LGR5: variants seen among roughly 807,000 people sequenced by gnomAD.
LGR5 encodes the protein leucine rich repeat containing G protein-coupled receptor 5.
A neutral mutation model predicts 76.7 loss-of-function variants in LGR5; 54 were observed. The observed-to-expected ratio is 0.70, with a 90% CI of 0.57 to 0.88. LGR5 has a LOEUF of 0.88. LGR5 is among the 40% of genes least tolerant of loss of function. The pLI is 0.00. For missense variants in LGR5, 1,078 were observed against 1,073.3 expected (o/e 1.00, Z -0.06); for synonymous variants, 406 against 421.9 (o/e 0.96, Z 0.46).
intron 3 of LGR5, among the ~76,000 whole-genome samples, chr12:71,527,927 G>A (rs1876100140): frequency 6.6e-6 from 1 of 152,188 alleles, no homozygotes; most frequent in African/African-American, 2.4e-5. Flanking sequence ...CCAGCATAAA[G>A]AATTCTCCCT....
At chr12:71,530,387 A>G (rs1876243160) in intron 3 of LGR5, among the ~76,000 whole-genome samples, 2 of 152,160 alleles carry the variant, frequency 1.3e-5, no homozygotes, top group Admixed American at 1.3e-4. Flanking sequence ...TGATATGGTG[A>G]GAAAGATAAT....
chr12:71,461,585 A>G (rs75046085), intron 1 of LGR5, among the ~76,000 whole-genome samples: 7,402 of 152,210 alleles, frequency 0.049, 224 homozygotes, highest in Middle Eastern at 0.099. Context: ...CCTCACTTCA[A>G]AAAGCAAAGG....
intron 16 of LGR5, among the ~76,000 whole-genome samples, chr12:71,581,174 TC>T (rs1879076099): frequency 6.6e-6 from 1 of 152,220 alleles, no homozygotes; most frequent in Non-Finnish European, 1.5e-5. Context: ...CATTTTAGAT[TC>T]CTTCATATTT....
rs150939225 is a variant in LGR5, at chr12:71,476,166, A to G, written c.213-28448A>G. Among the ~76,000 whole-genome samples, 5 of 152,210 alleles carry G rather than the reference A, an allele frequency of 3.3e-5. No individual in the cohort carries two copies. In the East Asian group the frequency reaches 9.7e-4, roughly 29 times the overall value. ...GTTCCAGTGGTTCGCTGGAACACCA[A>G]CCACTTCGTCTGAATACCAACCTGA... On this transcript the variant is annotated intron_variant, in intron 1 of 17. Transcript: ENST00000266674.
chr12:71,445,715 CG>C (rs147690775), intron 1 of LGR5, among the ~76,000 whole-genome samples: 4,841 of 152,106 alleles, frequency 0.032, 249 homozygotes, highest in African/African-American at 0.11. Flanking sequence ...CGGAGAAAAA[CG>C]TTAGTCATTT....
intron 5 of LGR5, among the ~76,000 whole-genome samples, chr12:71,554,447 T>C (rs886347403): frequency 6.6e-6 from 1 of 152,214 alleles, no homozygotes; most frequent in Admixed American, 6.5e-5. Flanking sequence ...CTGGGGAGGT[T>C]AGGAGTCTTG....
intron 2 of LGR5, among the ~76,000 whole-genome samples, chr12:71,515,755 C>T (rs1875403949): frequency 6.6e-6 from 1 of 152,098 alleles, no homozygotes; most frequent in East Asian, 1.9e-4. Flanking sequence ...GAAAATAAAG[C>T]GGCAATTTCT....
chr12:71,572,853 C>T lies in LGR5; in HGVS notation c.1140C>T (p.Asp380=). 6.2e-7 allele frequency: 1 copy of T among 1,612,480 alleles called. No homozygotes were observed. Among genetic ancestry groups the T allele is most frequent in the African/African-American group, 1.3e-5 (1 of 74,968 alleles). The part of the protein sequence containing the change: ...FSVCQKLQKI[D]LRHNEIYEIK... ...CTTTGGAACCCTGTCATTTCAGTGACCTAAGACATAATGAAATCTACGAAA... is the reference window on the plus strand; with the variant it reads ...CTTTGGAACCCTGTCATTTCAGTGATCTAAGACATAATGAAATCTACGAAA... The change falls in exon 13 of 18, where the codon GAC becomes GAT. Residue 380 remains aspartate, a synonymous_variant. Coordinates refer to ENST00000266674, the MANE Select transcript of LGR5 (RefSeq NM_003667.4).
intron 2 of LGR5, among the ~76,000 whole-genome samples, chr12:71,522,172 G>A (rs1204264784): frequency 1.3e-5 from 2 of 152,190 alleles, no homozygotes; most frequent in African/African-American, 4.8e-5. Context: ...TCGGAAAAGA[G>A]TCTGAGGACT....
intron 1 of LGR5, among the ~76,000 whole-genome samples, chr12:71,486,288 G>A (rs1222072200): frequency 2.6e-5 from 4 of 152,074 alleles, no homozygotes; most frequent in African/African-American, 9.7e-5. Context: ...GAGTCATATC[G>A]CTGCCATCAG....
chr12:71,544,154 A>T (rs530908489), intron 4 of LGR5, among the ~76,000 whole-genome samples: 2 of 152,168 alleles, frequency 1.3e-5, no homozygotes, highest in Admixed American at 6.5e-5. Context: ...TAGACATTTC[A>T]TCTGGCTGCT....
At chr12:71,555,871 A>G (rs1877731293) in intron 5 of LGR5, among the ~76,000 whole-genome samples, 1 of 152,224 alleles carries the variant, frequency 6.6e-6, no homozygotes. Flanking sequence ...AGACACATGC[A>G]TGTGTATGTT....
intron 1 of LGR5, among the ~76,000 whole-genome samples, chr12:71,446,848 A>G (rs1304268774): frequency 6.6e-6 from 1 of 152,230 alleles, no homozygotes; most frequent in Non-Finnish European, 1.5e-5. Flanking sequence ...TTTAGTAGAC[A>G]TCTTTTTATA....
chr12:71,551,530 C>T (rs372945961), intron 4 of LGR5, among the ~76,000 whole-genome samples: 7 of 151,950 alleles, frequency 4.6e-5, no homozygotes, highest in South Asian at 2.1e-4. Context: ...CAAATGTGTG[C>T]GTCTTAAAAG....
intron 2 of LGR5, among the ~76,000 whole-genome samples, chr12:71,507,028 C>T (rs6582038): frequency 0.093 from 14,199 of 152,020 alleles, 705 homozygotes; most frequent in Non-Finnish European, 0.11. Flanking sequence ...AATATAAGTG[C>T]AGTAACAACA....
chr12:71,582,553 CA>C lies in LGR5; in HGVS notation c.1636+19del. ...CACCTTCCCCAGGTGAGAAAGGCATCAAAAATTCCTCAACGGCAGTATCCAC... is the reference window on the plus strand; with the variant it reads ...CACCTTCCCCAGGTGAGAAAGGCATCAAAATTCCTCAACGGCAGTATCCAC... On this transcript the variant is annotated intron_variant, in intron 17 of 17. Coordinates refer to ENST00000266674, the MANE Select transcript of LGR5 (RefSeq NM_003667.4). 1.3e-6 allele frequency: 2 copies of C among 1,593,588 alleles called. No individual in the cohort carries two copies. The highest frequency in any genetic ancestry group is 1.3e-5 in the African/African-American group (1 of 74,664).
chr12:71,482,191 A>G (rs1873637352), intron 1 of LGR5, among the ~76,000 whole-genome samples: 1 of 152,178 alleles, frequency 6.6e-6, no homozygotes. Context: ...GTGATTCTCA[A>G]CCAACTGTGA....
intron 2 of LGR5, among the ~76,000 whole-genome samples, chr12:71,521,156 G>A (rs1875708999): frequency 6.6e-6 from 1 of 152,224 alleles, no homozygotes; most frequent in Admixed American, 6.5e-5. Flanking sequence ...AAAGCAGAGA[G>A]ACAGAGAATA....
intron 4 of LGR5, among the ~76,000 whole-genome samples, chr12:71,539,552 G>A (rs978043530): frequency 1.3e-5 from 2 of 152,016 alleles, no homozygotes; most frequent in Admixed American, 6.6e-5. Context: ...ATCTCAGCTC[G>A]CTGCAACCTC....
Sources: allele counts gnomAD v4.1 joint callset (sites outside exome capture counted in the v4.1 genomes callset), GRCh38; gene constraint gnomAD v4.1.1; transcripts MANE v1.5; gene names NCBI Gene and HGNC (gene_info 2026-07-23, HGNC 2026-07-21).